TENM1: variants seen among roughly 807,000 people sequenced by gnomAD.
The protein encoded by TENM1 is teneurin-1.
A neutral mutation model predicts 174.8 loss-of-function variants in TENM1; 35 were observed. The observed-to-expected ratio is 0.20, with a 90% CI of 0.15 to 0.27. The LOEUF (loss-of-function observed/expected upper bound fraction) is 0.27, where lower values mean the gene tolerates loss of function less well. Among genes scored for constraint, TENM1 ranks in the 10% least tolerant of loss-of-function variants. The pLI is 1.00. For synonymous variants in TENM1, 781 were observed against 798.7 expected (o/e 0.98, Z 0.37); for missense variants, 1,633 against 2,130.1 (o/e 0.77, Z 4.59).
chrX:124,530,478 A>G lies in TENM1; in HGVS notation c.2652-495T>C, dbSNP rs772305064. On this transcript the variant is annotated intron_variant, in intron 15 of 31. Transcript: ENST00000422452. ...TAAATATATTGTAAGATAAGACTAA[A>G]GTCCCTACTGACCGCCTTTTTCCTG... 1.7e-3 allele frequency among the ~76,000 whole-genome samples: 193 copies of G among 111,272 alleles called. 1 individual carries two copies. The highest frequency in any genetic ancestry group is 5.9e-3 in the African/African-American group (180 of 30,647).
intron 3 of TENM1, among the ~76,000 whole-genome samples, chrX:124,807,914 CACACAG>C (rs2055655542): frequency 9.2e-6 from 1 of 109,170 alleles, no homozygotes; most frequent in Non-Finnish European, 1.9e-5. Flanking sequence ...CACACACACA[CACACAG>C]AGGAAGGAAG....
At chrX:124,444,718 A>G (rs2060947551) in intron 23 of TENM1, among the ~76,000 whole-genome samples, 1 of 110,813 alleles carries the variant, frequency 9.0e-6, no homozygotes, top group South Asian at 3.9e-4. Flanking sequence ...TTCCCATTCT[A>G]CCTCTGAGTA....
chrX:124,894,227 G>C lies in TENM1; in HGVS notation c.535+69C>G, dbSNP rs1046833972. 8.3e-6 allele frequency: 7 copies of C among 847,373 alleles called. No individual in the cohort carries two copies. The African/African-American group carries it at 1.2e-4, about 15-fold the overall frequency. 69.8% of individuals were successfully genotyped at this position (847,373 alleles called of 1,213,427 possible). A position where few individuals can be genotyped will look rare whatever the true frequency, so the allele number is the denominator to read the frequency against. On this transcript the variant is annotated intron_variant, in intron 3 of 31. Transcript: ENST00000422452. ...TGTCAGAGAAGCAGGGTTCCATTTTGTGGGGGTAGGGTGCCAGGGATGGGG... is the reference window on the plus strand; with the variant it reads ...TGTCAGAGAAGCAGGGTTCCATTTTCTGGGGGTAGGGTGCCAGGGATGGGG...
chrX:124,717,978 A>G (rs2053226036), intron 4 of TENM1, among the ~76,000 whole-genome samples: 1 of 112,554 alleles, frequency 8.9e-6, no homozygotes, highest in Admixed American at 9.4e-5. Flanking sequence ...CTACTTTTAT[A>G]AGGTCCGTCA....
At chrX:124,403,099 T>C (rs1421248598) in intron 27 of TENM1, among the ~76,000 whole-genome samples, 1 of 110,327 alleles carries the variant, frequency 9.1e-6, no homozygotes, top group African/African-American at 3.3e-5. Context: ...AATCGAAACA[T>C]AAAAATTGAC....
At chrX:124,855,564 G>T (rs2056801062) in intron 3 of TENM1, among the ~76,000 whole-genome samples, 1 of 111,344 alleles carries the variant, frequency 9.0e-6, no homozygotes, top group Admixed American at 9.6e-5. Flanking sequence ...AACAAGAAAG[G>T]TTCTACTACT....
intron 11 of TENM1, among the ~76,000 whole-genome samples, chrX:124,635,633 C>A (rs2050860769): frequency 8.9e-6 from 1 of 111,951 alleles, no homozygotes; most frequent in Non-Finnish European, 1.9e-5. Context: ...GGGAGTGGTT[C>A]AAAGGAGGTT....
chrX:124,443,830 G>A lies in TENM1; in HGVS notation c.4104+9507C>T, dbSNP rs887013947. On this transcript the variant is annotated intron_variant, in intron 23 of 31. Transcript: ENST00000422452. ...TGACACCTTTACAGATAAGTTGGGGGAAATATCAGTGAAGAGAGTGGCTTT... is the reference window on the plus strand; with the variant it reads ...TGACACCTTTACAGATAAGTTGGGGAAAATATCAGTGAAGAGAGTGGCTTT... Among the ~76,000 whole-genome samples the A allele has an allele frequency of 5.8e-4, 65 of 111,787 alleles. 1 individual carries two copies. Among genetic ancestry groups the A allele is most frequent in the Admixed American group, 5.7e-4 (6 of 10,563 alleles).
chrX:124,832,487 T>C (rs1418765142), intron 3 of TENM1, among the ~76,000 whole-genome samples: 1 of 112,218 alleles, frequency 8.9e-6, no homozygotes, highest in Non-Finnish European at 1.9e-5. Context: ...TGATCACCCA[T>C]AAAGTACTTA....
At chrX:125,164,340 A>G in the TENM1 span, among the ~76,000 whole-genome samples, 1 of 111,325 alleles carries the variant, frequency 9.0e-6, no homozygotes, top group Non-Finnish European at 1.9e-5. Flanking sequence ...AAAATTCTCA[A>G]TTTACTCTTG....
the TENM1 span, among the ~76,000 whole-genome samples, chrX:125,015,522 A>C: frequency 8.9e-6 from 1 of 111,959 alleles, no homozygotes; most frequent in African/African-American, 3.2e-5. Flanking sequence ...GATTCAACCT[A>C]TGGTAGTGAC....
intron 22 of TENM1, among the ~76,000 whole-genome samples, chrX:124,467,886 G>A (rs1002364407): frequency 1.2e-4 from 13 of 109,993 alleles, no homozygotes; most frequent in African/African-American, 4.0e-4. Flanking sequence ...AGCCTCCCGA[G>A]TAGCTAGGAT....
At chrX:124,673,059 G>A (rs772192599) in intron 5 of TENM1, among the ~76,000 whole-genome samples, 285 of 111,933 alleles carry the variant, frequency 2.5e-3, no homozygotes, top group Non-Finnish European at 3.8e-3. Context: ...AGGAACAGGA[G>A]GTTAAAATAG....
At chrX:125,117,733 G>T in the TENM1 span, among the ~76,000 whole-genome samples, 1 of 111,229 alleles carries the variant, frequency 9.0e-6, no homozygotes, top group African/African-American at 3.3e-5. Flanking sequence ...AACAAATGTT[G>T]GCAAGGATTC....
chrX:124,897,841 T>C (rs1041351016), intron 1 of TENM1, among the ~76,000 whole-genome samples: 2 of 112,495 alleles, frequency 1.8e-5, no homozygotes, highest in South Asian at 7.3e-4. Context: ...TTGTCAAACA[T>C]AACATTTTAT....
intron 1 of TENM1, among the ~76,000 whole-genome samples, chrX:124,957,693 C>T (rs999611978): frequency 1.9e-5 from 2 of 106,474 alleles, no homozygotes; most frequent in Non-Finnish European, 3.9e-5. Flanking sequence ...ACCAACCAAA[C>T]AAAAATGCTA....
the TENM1 span, among the ~76,000 whole-genome samples, chrX:125,045,951 C>CT: frequency 3.6e-5 from 4 of 111,541 alleles, no homozygotes; most frequent in Non-Finnish European, 5.7e-5. Context: ...AACATATTCT[C>CT]TTTTTTTTCT....
At chrX:125,109,726 C>A in the TENM1 span, among the ~76,000 whole-genome samples, 1 of 111,732 alleles carries the variant, frequency 8.9e-6, no homozygotes, top group African/African-American at 3.3e-5. Flanking sequence ...AGCCTCCCGG[C>A]AAAATCAAGG....
intron 3 of TENM1, among the ~76,000 whole-genome samples, chrX:124,853,786 C>T (rs1455959113): frequency 2.7e-5 from 3 of 110,584 alleles, no homozygotes; most frequent in Admixed American, 9.7e-5. Context: ...TGAATTTGCA[C>T]TGGCACCAGT....
Sources: allele counts gnomAD v4.1 joint callset (sites outside exome capture counted in the v4.1 genomes callset), GRCh38; gene constraint gnomAD v4.1.1; transcripts MANE v1.5; gene names NCBI Gene and HGNC (gene_info 2026-07-23, HGNC 2026-07-21).